GSK3B: variants seen among roughly 807,000 people sequenced by gnomAD.
The protein encoded by GSK3B is glycogen synthase kinase-3 beta.
Under a neutral mutation model 56.4 loss-of-function variants are expected in GSK3B, and 15 were observed. The ratio of observed to expected loss-of-function variants is 0.27; its 90% CI spans 0.18 to 0.41. The LOEUF (loss-of-function observed/expected upper bound fraction) is 0.41. Among genes scored for constraint, GSK3B ranks in the 10% least tolerant of loss-of-function variants. GSK3B has a pLI of 1.00. For synonymous variants in GSK3B, 181 were observed against 188.9 expected, an observed-to-expected ratio of 0.96 and a Z score of 0.34; for missense variants, 300 against 513.4, an observed-to-expected ratio of 0.58 and a Z score of 4.02.
intron 8 of GSK3B, among the ~76,000 whole-genome samples, chr3:119,872,939 ATC>A (rs1246673351): frequency 6.6e-6 from 1 of 152,102 alleles, no homozygotes; most frequent in Admixed American, 6.5e-5. Flanking sequence ...CTTCCAACCA[ATC>A]TCTGTCTCTG....
chr3:120,057,676 G>C (rs949158432), intron 1 of GSK3B, among the ~76,000 whole-genome samples: 5 of 152,130 alleles, frequency 3.3e-5, no homozygotes, highest in Admixed American at 3.3e-4. Flanking sequence ...ATAGCTATGT[G>C]CAAAGAACTA....
intron 7 of GSK3B, among the ~76,000 whole-genome samples, chr3:119,895,274 A>G (rs1024118166): frequency 6.6e-6 from 1 of 152,118 alleles, no homozygotes; most frequent in Admixed American, 6.6e-5. Flanking sequence ...TCTTAAGGCT[A>G]AGTAGTATTC....
At chr3:119,971,594 T>C (rs1377535841) in intron 2 of GSK3B, among the ~76,000 whole-genome samples, 1 of 143,554 alleles carries the variant, frequency 7.0e-6, no homozygotes, top group Admixed American at 7.0e-5. Context: ...TTAAACTATT[T>C]GCAATAATTT....
Position 119,825,054 on chromosome 3 carries a change from C to T in GSK3B, c.*1734G>A, listed in dbSNP as rs1192167264. On this transcript the variant is annotated 3_prime_UTR_variant, in exon 11 of 11. Coordinates refer to ENST00000264235, the MANE Select transcript of GSK3B (RefSeq NM_001146156.2). ...CAACCATGGGCTCAGCTCTGCAGCC[C>T]TACAGTTACCAGCTAACCTTGGAAG... 2 of 193,796 alleles carry T rather than the reference C, an allele frequency of 1.0e-5. No individual in the cohort carries two copies. Among genetic ancestry groups the T allele is most frequent in the African/African-American group, 2.3e-5 (1 of 43,158 alleles). The allele number at this position is 193,796 out of a possible 1,614,324, so 12.0% of individuals were successfully genotyped here.
At chr3:119,912,554 T>C (rs1576194133) in intron 6 of GSK3B, 150 bp downstream of exon 6, 2 of 446,444 alleles carry the variant, frequency 4.5e-6, no homozygotes, top group South Asian at 6.1e-5. Flanking sequence ...GGTATGCCTA[T>C]ACATGTTTGC....
intron 9 of GSK3B, among the ~76,000 whole-genome samples, chr3:119,852,380 G>C (rs1350367194): frequency 6.6e-6 from 1 of 150,544 alleles, no homozygotes; most frequent in South Asian, 2.1e-4. Flanking sequence ...ACAGAGTCTC[G>C]CTCTGCTGCC....
At chr3:119,889,755 T>C (rs889941568) in intron 7 of GSK3B, among the ~76,000 whole-genome samples, 3 of 152,006 alleles carry the variant, frequency 2.0e-5, no homozygotes. Context: ...AAGGCAGAAA[T>C]TGTCAAACTC....
At chr3:119,862,664 C>CTTTTTT (rs2056122340) in intron 9 of GSK3B, among the ~76,000 whole-genome samples, 1 of 119,152 alleles carries the variant, frequency 8.4e-6, no homozygotes, top group African/African-American at 3.3e-5. Context: ...TCAACTATTT[C>CTTTTTT]TTGTTTTTTT....
intron 4 of GSK3B, among the ~76,000 whole-genome samples, chr3:119,922,484 A>G (rs1251761097): frequency 6.8e-6 from 1 of 148,092 alleles, no homozygotes; most frequent in East Asian, 1.9e-4. Context: ...ACTCCTTGCC[A>G]AAGTAATCTA....
chr3:119,946,970 C>T (rs1373066552), intron 3 of GSK3B, among the ~76,000 whole-genome samples: 4 of 150,624 alleles, frequency 2.7e-5, no homozygotes, highest in Non-Finnish European at 1.5e-5. Context: ...TGCGTAAGCA[C>T]ATAAGGAACA....
chr3:119,902,385 A>G (rs2056633621), intron 7 of GSK3B, among the ~76,000 whole-genome samples: 1 of 151,894 alleles, frequency 6.6e-6, no homozygotes, highest in Non-Finnish European at 1.5e-5. Flanking sequence ...GGAGAAAGAA[A>G]AAGATTTGAT....
chr3:119,993,897 T>G (rs2057589906), intron 2 of GSK3B, among the ~76,000 whole-genome samples: 1 of 152,202 alleles, frequency 6.6e-6, no homozygotes, highest in South Asian at 2.1e-4. Context: ...CAATTTTTTT[T>G]GAGACAGAGT....
rs182086810 is a variant in GSK3B at position 119,906,811 on chromosome 3, G to A, written c.716-959C>T. 6.2e-3 allele frequency among the ~76,000 whole-genome samples: 950 copies of A among 152,146 alleles called. 6 individuals carry two copies. Among genetic ancestry groups the A allele is most frequent in the Non-Finnish European group, 0.011 (716 of 67,942 alleles). Reference sequence around the variant, plus strand: ...ACCTACCAGTACGGAAGGAGAAGAAGGAACAGTAAATGGTTGACAACAAAA... The same window carrying A: ...ACCTACCAGTACGGAAGGAGAAGAAAGAACAGTAAATGGTTGACAACAAAA... On this transcript the variant is annotated intron_variant, in intron 6 of 10. Transcript: ENST00000264235.
At chr3:119,885,292 TAC>T (rs2056423626) in intron 7 of GSK3B, among the ~76,000 whole-genome samples, 1 of 148,198 alleles carries the variant, frequency 6.7e-6, no homozygotes, top group Non-Finnish European at 1.5e-5. Flanking sequence ...TAAAATAAAA[TAC>T]CTAGGAATAC....
chr3:120,076,808 C>T (rs1437799902), intron 1 of GSK3B, among the ~76,000 whole-genome samples: 12 of 94,202 alleles, frequency 1.3e-4, no homozygotes, highest in Non-Finnish European at 1.6e-4. Context: ...AGCGAAACTC[C>T]GTCTCAAAAA....
At chr3:119,830,314 C>A (rs1213773169) in intron 10 of GSK3B, among the ~76,000 whole-genome samples, 1 of 152,190 alleles carries the variant, frequency 6.6e-6, no homozygotes, top group Non-Finnish European at 1.5e-5. Flanking sequence ...AGAAACAAAT[C>A]TTGGCACATG....
intron 9 of GSK3B, among the ~76,000 whole-genome samples, chr3:119,845,270 C>T (rs566745217): frequency 7.2e-5 from 11 of 152,278 alleles, no homozygotes; most frequent in South Asian, 2.1e-4. Flanking sequence ...ACAAGGGTGC[C>T]CTCTCTCACC....
At chr3:119,971,589 C>G (rs1369045580) in intron 2 of GSK3B, among the ~76,000 whole-genome samples, 1 of 133,148 alleles carries the variant, frequency 7.5e-6, no homozygotes, top group Non-Finnish European at 1.6e-5. Flanking sequence ...GATACTTAAA[C>G]TATTTGCAAT....
intron 9 of GSK3B, among the ~76,000 whole-genome samples, chr3:119,862,524 TAAA>T (rs5852229): frequency 2.9e-4 from 32 of 111,868 alleles, no homozygotes; most frequent in Non-Finnish European, 4.6e-4. Context: ...TAGAGTATAA[TAAA>T]AAAAAAAAAA....
Sources: allele counts gnomAD v4.1 joint callset (sites outside exome capture counted in the v4.1 genomes callset), GRCh38; gene constraint gnomAD v4.1.1; transcripts MANE v1.5; gene names NCBI Gene and HGNC (gene_info 2026-07-23, HGNC 2026-07-21).